LRRC37A2: variants seen among roughly 807,000 people sequenced by gnomAD.
The protein encoded by LRRC37A2 is leucine-rich repeat-containing protein 37A2.
Under a neutral mutation model 68.8 loss-of-function variants are expected in LRRC37A2, and 9 were observed. That is an observed-to-expected ratio of 0.13 (90% CI 0.08 to 0.23). The LOEUF is 0.23. LRRC37A2 is among the 10% of genes least tolerant of loss of function. The pLI, the probability that LRRC37A2 is intolerant of heterozygous loss-of-function variation, is 1.00. For synonymous variants in LRRC37A2, 63 were observed against 367.6 expected (o/e 0.17, Z 9.48); for missense variants, 168 against 950.4 (o/e 0.18, Z 10.82).
the LRRC37A2 span, among the ~76,000 whole-genome samples, chr17:46,638,747 A>G: frequency 1.8e-4 from 23 of 129,596 alleles, no homozygotes; most frequent in Non-Finnish European, 2.9e-4. Context: ...ACCTCAAGTG[A>G]TCCTCCCACC....
At chr17:46,990,167 G>C in the LRRC37A2 span, among the ~76,000 whole-genome samples, 6 of 152,324 alleles carry the variant, frequency 3.9e-5, no homozygotes, top group Non-Finnish European at 8.8e-5. Flanking sequence ...TGGAAAGATA[G>C]AGAAAACCTA....
At chr17:46,759,435 T>C in the LRRC37A2 span, among the ~76,000 whole-genome samples, 1 of 152,150 alleles carries the variant, frequency 6.6e-6, no homozygotes, top group East Asian at 1.9e-4. Context: ...GAAGACAAAA[T>C]ATCCAAGGAG....
the LRRC37A2 span, among the ~76,000 whole-genome samples, chr17:46,948,341 G>T: frequency 2.6e-5 from 4 of 152,336 alleles, no homozygotes; most frequent in African/African-American, 9.6e-5. Context: ...TTGTTCACTA[G>T]CATTGCATAG....
intron 4 of LRRC37A2, among the ~76,000 whole-genome samples, chr17:46,521,814 C>T (rs2144935179): frequency 2.4e-5 from 1 of 42,312 alleles, no homozygotes; most frequent in Admixed American, 2.3e-4. Context: ...GCCATGAGTA[C>T]CCGTAGAGTA....
chr17:46,716,819 C>G, the LRRC37A2 span, among the ~76,000 whole-genome samples: 2 of 152,188 alleles, frequency 1.3e-5, no homozygotes, highest in African/African-American at 4.8e-5. Flanking sequence ...CATATACCCC[C>G]TCCCTTATAT....
the LRRC37A2 span, among the ~76,000 whole-genome samples, chr17:46,946,812 G>A: frequency 3.9e-5 from 6 of 152,220 alleles, no homozygotes; most frequent in Non-Finnish European, 7.3e-5. Context: ...GCAGTGAGCC[G>A]ACATTGTGCC....
At chr17:46,855,812 C>A in the LRRC37A2 span, among the ~76,000 whole-genome samples, 1 of 152,150 alleles carries the variant, frequency 6.6e-6, no homozygotes, top group South Asian at 2.1e-4. Context: ...GATTCTCCTG[C>A]CTCAGCTTCC....
chr17:46,454,547 G>GT, the LRRC37A2 span, among the ~76,000 whole-genome samples: 4 of 8,862 alleles, frequency 4.5e-4, no homozygotes, highest in Admixed American at 1.7e-3. Flanking sequence ...GAGAGGTGAA[G>GT]TCTTTTTTTT....
At chr17:46,887,467 G>A in the LRRC37A2 span, among the ~76,000 whole-genome samples, 2 of 151,892 alleles carry the variant, frequency 1.3e-5, no homozygotes, top group Non-Finnish European at 1.5e-5. Context: ...TCTTTCTATA[G>A]CAATCTCTCA....
chr17:46,910,661 A>C, the LRRC37A2 span, among the ~76,000 whole-genome samples: 2 of 152,250 alleles, frequency 1.3e-5, no homozygotes, highest in African/African-American at 4.8e-5. Context: ...AGAACAATCA[A>C]GGCAAGGGAG....
At chr17:46,720,992 C>T in the LRRC37A2 span, among the ~76,000 whole-genome samples, 2 of 152,212 alleles carry the variant, frequency 1.3e-5, no homozygotes, top group African/African-American at 2.4e-5. Flanking sequence ...CTGTCCCACA[C>T]ACAGGTGGCT....
chr17:46,493,408 T>TGCCTCG, the LRRC37A2 span, among the ~76,000 whole-genome samples: 2 of 131,484 alleles, frequency 1.5e-5, no homozygotes, highest in Non-Finnish European at 3.2e-5. Flanking sequence ...GCGATCTGCC[T>TGCCTCG]GCCTCGGCCT....
the LRRC37A2 span, among the ~76,000 whole-genome samples, chr17:46,836,892 C>T: frequency 6.6e-6 from 1 of 152,156 alleles, no homozygotes; most frequent in Non-Finnish European, 1.5e-5. Context: ...TGTAAATGAA[C>T]CCTTTGCTTT....
chr17:47,043,261 T>C, the LRRC37A2 span, among the ~76,000 whole-genome samples: 1 of 152,152 alleles, frequency 6.6e-6, no homozygotes, highest in East Asian at 1.9e-4. Context: ...TTATTCATTT[T>C]ATTGACATAT....
chr17:46,768,017 A>C, the LRRC37A2 span, among the ~76,000 whole-genome samples: 1 of 152,026 alleles, frequency 6.6e-6, no homozygotes, highest in Non-Finnish European at 1.5e-5. The surrounding 1 kb of genome is among the most constrained non-coding windows in gnomAD (Gnocchi z 5.0). Flanking sequence ...CGAACTCCTG[A>C]CCTCAGGTGA....
the LRRC37A2 span, among the ~76,000 whole-genome samples, chr17:46,774,448 C>T: frequency 1.3e-5 from 2 of 152,262 alleles, no homozygotes. Context: ...AGTATCTCCC[C>T]AAGGAATTGC....
At chr17:46,815,833 C>T in the LRRC37A2 span, among the ~76,000 whole-genome samples, 4 of 152,148 alleles carry the variant, frequency 2.6e-5, no homozygotes, top group African/African-American at 9.7e-5. Context: ...TGGACCTTCC[C>T]TCCAGGCCCA....
chr17:46,543,594 T>C (rs1250036310), intron 8 of LRRC37A2, among the ~76,000 whole-genome samples: 1 of 150,792 alleles, frequency 6.6e-6, no homozygotes, highest in Non-Finnish European at 1.5e-5. Flanking sequence ...GGCTGCACAC[T>C]GAAGTCTTCA....
chr17:46,846,878 C>T, the LRRC37A2 span, among the ~76,000 whole-genome samples: 1 of 152,136 alleles, frequency 6.6e-6, no homozygotes, highest in Non-Finnish European at 1.5e-5. Flanking sequence ...GTGAGCTTCC[C>T]AAGATAGGAC....
Sources: gnomAD v4.1 joint callset for allele counts (sites outside exome capture counted in the v4.1 genomes callset) on GRCh38, gnomAD v4.1.1 for gene constraint, Gnocchi (gnomAD v3.1) non-coding constraint, MANE v1.5 for transcripts, NCBI Gene and HGNC (gene_info 2026-07-23, HGNC 2026-07-21) for gene names.